EPC1: variants seen among roughly 807,000 people sequenced by gnomAD.
EPC1 encodes the protein enhancer of polycomb 1.
Under a neutral mutation model 98.4 loss-of-function variants are expected in EPC1, and 12 were observed. That is an observed-to-expected ratio of 0.12 (90% CI 0.08 to 0.20). The LOEUF (loss-of-function observed/expected upper bound fraction) is 0.20, where lower values mean the gene tolerates loss of function less well. Among genes scored for constraint, EPC1 ranks in the 10% least tolerant of loss-of-function variants. The probability of loss-of-function intolerance (pLI) is 1.00; values close to 1 mark genes in which losing one functional copy is unlikely to be tolerated. For synonymous variants in EPC1, 357 were observed against 363.9 expected (o/e 0.98, Z 0.21); for missense variants, 729 against 990.5 (o/e 0.74, Z 3.54).
At chr10:32,275,273 T>C (rs191459436) in intron 10 of EPC1, among the ~76,000 whole-genome samples, 2 of 152,370 alleles carry the variant, frequency 1.3e-5, no homozygotes, top group African/African-American at 4.8e-5. Context: ...TCCTGAGTCT[T>C]TGAAGATCTT....
intron 1 of EPC1, among the ~76,000 whole-genome samples, chr10:32,358,262 A>G (rs181693736): frequency 6.6e-6 from 1 of 152,330 alleles, no homozygotes; most frequent in East Asian, 1.9e-4. Flanking sequence ...TTACTTAAGA[A>G]TTACCCTCTT....
At chr10:32,343,442 C>T (rs901044502) in intron 1 of EPC1, among the ~76,000 whole-genome samples, 1 of 152,182 alleles carries the variant, frequency 6.6e-6, no homozygotes, top group Non-Finnish European at 1.5e-5. Context: ...AACTCCTGAC[C>T]TCAGGTGATC....
chr10:32,358,599 C>T (rs1462105526), intron 1 of EPC1, among the ~76,000 whole-genome samples: 2 of 137,914 alleles, frequency 1.5e-5, no homozygotes, highest in Non-Finnish European at 3.0e-5. Flanking sequence ...GGACTGTGAT[C>T]GCGTCACTGC....
intron 10 of EPC1, 93 bp from the exon 11 acceptor site, chr10:32,273,374 CA>C: frequency 6.9e-7 from 1 of 1,443,264 alleles, no homozygotes. Flanking sequence ...TAAATCTGTG[CA>C]AAATTGAAGC....
Position 32,325,840 on chromosome 10 carries a change from G to A in EPC1, c.154-19909C>T, listed in dbSNP as rs1333835744. The stretch of plus-strand genomic sequence containing the variant: ...TAACTTTTTCCAGTGATAAATGGTA[G>A]CAGAGGACTGGTGTTACAACACTTG... On this transcript the variant is annotated intron_variant, in intron 1 of 13. Coordinates refer to ENST00000319778, the MANE Select transcript of EPC1 (RefSeq NM_001272004.3). Among the ~76,000 whole-genome samples the A allele has an allele frequency of 5.3e-5, 8 of 151,846 alleles. 1 individual carries two copies. The highest frequency in any genetic ancestry group is 5.2e-4 in the Admixed American group (8 of 15,248).
In EPC1 at chr10:32,267,874, C is replaced by A. The variant is rs970080334; in HGVS notation, c.*1189G>T. ...TGGACTGGGCATTCAGACTTCGGTA[C>A]TGACAAAGCACTAGTAGTAGTCTGT... On this transcript the variant is annotated 3_prime_UTR_variant, in exon 14 of 14. Coordinates refer to ENST00000319778, the MANE Select transcript of EPC1 (RefSeq NM_001272004.3). 2 of 152,166 alleles carry A rather than the reference C, an allele frequency of 1.3e-5. No homozygotes were observed. Among genetic ancestry groups the A allele is most frequent in the African/African-American group, 4.8e-5 (2 of 41,444 alleles). The allele number at this position is 152,166 out of a possible 1,614,324, so 9.4% of individuals were successfully genotyped here.
intron 1 of EPC1, among the ~76,000 whole-genome samples, chr10:32,320,010 C>A (rs1836798542): frequency 6.6e-6 from 1 of 152,040 alleles, no homozygotes; most frequent in Admixed American, 6.6e-5. Flanking sequence ...GGGTAAAGTG[C>A]CACGATGTAG....
intron 1 of EPC1, among the ~76,000 whole-genome samples, chr10:32,361,632 C>T (rs148918253): frequency 1.3e-5 from 2 of 152,206 alleles, no homozygotes; most frequent in Admixed American, 1.3e-4. Context: ...CCAGACACCC[C>T]CTATGGGGCA....
intron 1 of EPC1, among the ~76,000 whole-genome samples, chr10:32,336,448 A>G (rs1327784126): frequency 6.6e-6 from 1 of 151,982 alleles, no homozygotes; most frequent in Non-Finnish European, 1.5e-5. Flanking sequence ...GACAAACCCT[A>G]TCTACCTACT....
At chr10:32,329,858 T>C (rs1326815357) in intron 1 of EPC1, among the ~76,000 whole-genome samples, 1 of 152,214 alleles carries the variant, frequency 6.6e-6, no homozygotes, top group African/African-American at 2.4e-5. Context: ...AAAGATGATA[T>C]TATGAGAGCC....
chr10:32,373,927 A>T (rs1013509113), intron 1 of EPC1, among the ~76,000 whole-genome samples: 5 of 152,214 alleles, frequency 3.3e-5, no homozygotes, highest in Admixed American at 2.0e-4. Flanking sequence ...TGTTAGTATG[A>T]AAGCAAACTA....
chr10:32,339,561 T>C (rs979192614), intron 1 of EPC1, among the ~76,000 whole-genome samples: 2 of 152,122 alleles, frequency 1.3e-5, no homozygotes, highest in East Asian at 1.9e-4. Flanking sequence ...ATAATAATAA[T>C]AACAACCTAA....
chr10:32,332,150 A>G (rs1449713955), intron 1 of EPC1, among the ~76,000 whole-genome samples: 2 of 152,256 alleles, frequency 1.3e-5, no homozygotes, highest in African/African-American at 2.4e-5. Context: ...TTGCAAAGGA[A>G]ACAATCATAA....
chr10:32,355,856 C>T (rs956827132), intron 1 of EPC1, among the ~76,000 whole-genome samples: 1 of 152,166 alleles, frequency 6.6e-6, no homozygotes, highest in Non-Finnish European at 1.5e-5. Context: ...GGTGATCTGC[C>T]TGCTTTGGCC....
At chr10:32,345,198 T>C (rs1337674538) in intron 1 of EPC1, 1 of 984,946 alleles carries the variant, frequency 1.0e-6, no homozygotes, top group Non-Finnish European at 1.2e-6. Context: ...TTGATACAAG[T>C]AAAATAAATT....
intron 1 of EPC1, among the ~76,000 whole-genome samples, chr10:32,320,176 T>C (rs1391699097): frequency 6.7e-6 from 1 of 149,838 alleles, no homozygotes; most frequent in Non-Finnish European, 1.5e-5. Context: ...GTAAAATTAC[T>C]TCCAAATAAT....
At chr10:32,346,652 C>T (rs530332621) in intron 1 of EPC1, 111 bp downstream of exon 1, 8 of 1,068,488 alleles carry the variant, frequency 7.5e-6, no homozygotes, top group Non-Finnish European at 1.4e-6. Context: ...TGAGAGTCGG[C>T]GGCGAAGAGA....
chr10:32,273,374 C>A (rs1464461580), intron 10 of EPC1, 93 bp from the exon 11 acceptor site: 6 of 1,443,260 alleles, frequency 4.2e-6, no homozygotes, highest in East Asian at 2.5e-5. Flanking sequence ...TAAATCTGTG[C>A]AAAATTGAAG....
Position 32,328,665 on chromosome 10 carries a change from A to G in EPC1, c.153+18098T>C, listed in dbSNP as rs150784836. Among the ~76,000 whole-genome samples, 649 of 152,328 alleles carry G rather than the reference A, an allele frequency of 4.3e-3. 3 individuals carry two copies. Among genetic ancestry groups the G allele is most frequent in the African/African-American group, 0.015 (613 of 41,584 alleles). Reference sequence around the variant, plus strand: ...CCTGGGGAGTTCCCCACCAGGGAGCAGACCTAGTGCTGAAACCAGCACACT... The same window carrying G: ...CCTGGGGAGTTCCCCACCAGGGAGCGGACCTAGTGCTGAAACCAGCACACT... On this transcript the variant is annotated intron_variant, in intron 1 of 13. Coordinates refer to ENST00000319778, the MANE Select transcript of EPC1 (RefSeq NM_001272004.3).
Sources: gnomAD v4.1 joint callset for allele counts (sites outside exome capture counted in the v4.1 genomes callset) on GRCh38, gnomAD v4.1.1 for gene constraint, MANE v1.5 for transcripts, NCBI Gene and HGNC (gene_info 2026-07-23, HGNC 2026-07-21) for gene names.